ADAM18: variants seen among roughly 807,000 people sequenced by gnomAD.
ADAM18 encodes the protein disintegrin and metalloproteinase domain-containing protein 18.
ADAM18 carries 117 observed loss-of-function variants against 94.4 expected under a neutral mutation model. That is an observed-to-expected ratio of 1.24 (90% CI 1.07 to 1.45). The LOEUF is 1.45. Among genes scored for constraint, ADAM18 ranks in the 40% most tolerant of loss-of-function variants. The pLI is 0.00. For missense variants in ADAM18, 936 were observed against 880.0 expected (o/e 1.06, Z -0.81); for synonymous variants, 327 against 291.6 (o/e 1.12, Z -1.24).
At chr8:39,669,407 G>A (rs1485661346) in intron 14 of ADAM18, among the ~76,000 whole-genome samples, 4 of 150,270 alleles carry the variant, frequency 2.7e-5, no homozygotes, top group African/African-American at 7.4e-5. Flanking sequence ...TTGGTGTGCT[G>A]CACCCAGTAA....
At chr8:39,603,671 G>A (rs1011018729) in intron 2 of ADAM18, among the ~76,000 whole-genome samples, 2 of 152,138 alleles carry the variant, frequency 1.3e-5, no homozygotes, top group African/African-American at 4.8e-5. Context: ...TCTGAGGTAA[G>A]CCTATATTGT....
chr8:39,650,252 T>C (rs906317403), intron 12 of ADAM18, among the ~76,000 whole-genome samples: 3 of 152,172 alleles, frequency 2.0e-5, no homozygotes, highest in African/African-American at 7.2e-5. Context: ...ATTGTAGGCT[T>C]TTTGTAAAAT....
At chr8:39,626,252 G>A (rs61600392) in intron 6 of ADAM18, among the ~76,000 whole-genome samples, 36,659 of 151,866 alleles carry the variant, frequency 0.24, 4,689 homozygotes, top group East Asian at 0.48. Context: ...GTGATGTCAG[G>A]TGTAATATTT....
intron 12 of ADAM18, among the ~76,000 whole-genome samples, chr8:39,659,318 C>G (rs1820769276): frequency 1.3e-5 from 2 of 151,178 alleles, no homozygotes; most frequent in African/African-American, 2.4e-5. Context: ...CCTACGAAAT[C>G]TTAATTTTCA....
intron 17 of ADAM18, among the ~76,000 whole-genome samples, chr8:39,702,471 G>C (rs564871642): frequency 6.6e-6 from 1 of 152,048 alleles, no homozygotes; most frequent in Admixed American, 6.5e-5. Context: ...TTCTTTTGCT[G>C]TATGGAAGCT....
At position 39,610,635 on chromosome 8, in the gene ADAM18, T is replaced by A. The variant is rs756666331; in HGVS notation, c.451T>A (p.Ser151Thr). 1.2e-6 allele frequency: 2 copies of A among 1,612,984 alleles called. No individual in the cohort carries two copies. The highest frequency in any genetic ancestry group is 1.1e-5 in the South Asian group (1 of 90,980). Residue 151 changes from serine (S) to threonine (T), a missense_variant, in exon 6 of 20, where the codon TCC becomes ACC. Transcript: ENST00000265707. ...YQMKNNDPNV[S>T]ILAVNYSHIW... ...AATGAAAAATAATGATCCAAATGTA[T>A]CCATTTTAGCAGTAAATTACAGTCA...
intron 6 of ADAM18, among the ~76,000 whole-genome samples, chr8:39,620,017 G>A (rs1411040497): frequency 6.6e-6 from 1 of 152,006 alleles, no homozygotes; most frequent in Non-Finnish European, 1.5e-5. Context: ...CAGACACATA[G>A]ACCAATGAAA....
chr8:39,692,473 G>T, intron 16 of ADAM18, 127 bp from the exon 17 acceptor site: 1 of 439,706 alleles, frequency 2.3e-6, no homozygotes, highest in South Asian at 6.8e-5. Context: ...ATTAATATTA[G>T]TCATATTAAT....
Position 39,723,762 on chromosome 8 carries a change from GA to G in ADAM18, c.2037del (p.Gly680AlafsTer12), listed in dbSNP as rs1339971220. The G allele has an allele frequency of 6.6e-6, 10 of 1,519,480 alleles. No individual in the cohort carries two copies. The highest frequency in any genetic ancestry group is 2.2e-5 in the Admixed American group (1 of 45,140). The allele number at this position is 1,519,480 out of a possible 1,614,324, so 94.1% of individuals were successfully genotyped here. A position where few individuals can be genotyped will look rare whatever the true frequency, so the allele number is the denominator to read the frequency against. ...TTCATTTCTAGGTGACTTTTATACT[GA>G]AAAAGGCTACAATACACACTGGAAC... is the stretch of plus-strand genomic sequence containing the variant. ...NFQKSGDFYT[E>X]KGYNTHWNNW... On this transcript the variant is annotated frameshift_variant, in exon 19 of 20. Coordinates refer to ENST00000265707, the MANE Select transcript of ADAM18 (RefSeq NM_014237.3). LOFTEE classifies it high-confidence loss of function.
chr8:39,641,584 G>T (rs527876611), intron 10 of ADAM18, among the ~76,000 whole-genome samples: 1 of 152,020 alleles, frequency 6.6e-6, no homozygotes, highest in South Asian at 2.1e-4. Flanking sequence ...CATTCTAGGT[G>T]TCCATGTGTT....
At chr8:39,595,397 G>C (rs1051873291) in intron 2 of ADAM18, among the ~76,000 whole-genome samples, 2 of 152,304 alleles carry the variant, frequency 1.3e-5, no homozygotes, top group East Asian at 1.9e-4. Flanking sequence ...CCAGGTTGCT[G>C]TCTTCTCCAG....
intron 17 of ADAM18, among the ~76,000 whole-genome samples, chr8:39,702,275 G>T (rs1822102466): frequency 6.6e-6 from 1 of 151,674 alleles, no homozygotes; most frequent in Admixed American, 6.6e-5. Flanking sequence ...TATAACTGTT[G>T]GCTGCATGTA....
intron 18 of ADAM18, among the ~76,000 whole-genome samples, chr8:39,716,325 G>T (rs1425546715): frequency 6.6e-6 from 1 of 151,768 alleles, no homozygotes; most frequent in East Asian, 1.9e-4. Flanking sequence ...TTTTTAAAAT[G>T]CAAGTGTTAA....
intron 7 of ADAM18, among the ~76,000 whole-genome samples, chr8:39,631,844 C>T (rs1354597124): frequency 6.6e-6 from 1 of 151,866 alleles, no homozygotes; most frequent in African/African-American, 2.4e-5. Context: ...TTTGTTAATT[C>T]CTTTCGTCAG....
At chr8:39,718,803 G>A (rs1371814490) in intron 18 of ADAM18, among the ~76,000 whole-genome samples, 3 of 151,462 alleles carry the variant, frequency 2.0e-5, no homozygotes, top group African/African-American at 4.8e-5. Flanking sequence ...GTGAGATTGT[G>A]CACTGGAAAC....
intron 2 of ADAM18, among the ~76,000 whole-genome samples, chr8:39,601,033 G>A (rs1818887195): frequency 6.6e-6 from 1 of 152,202 alleles, no homozygotes; most frequent in African/African-American, 2.4e-5. Flanking sequence ...CATGGTGGAA[G>A]GGGAAGGGGA....
intron 6 of ADAM18, among the ~76,000 whole-genome samples, chr8:39,615,635 C>G (rs12681521): frequency 0.029 from 4,378 of 152,214 alleles, 99 homozygotes; most frequent in South Asian, 0.073. Flanking sequence ...GGAAGCATTC[C>G]TCTTAAGAAC....
intron 6 of ADAM18, among the ~76,000 whole-genome samples, chr8:39,627,577 C>T (rs1461087476): frequency 6.6e-6 from 1 of 152,110 alleles, no homozygotes; most frequent in Non-Finnish European, 1.5e-5. Context: ...GTCTTTTCCA[C>T]CCCTTTGCCT....
chr8:39,648,270 T>G, intron 11 of ADAM18, 74 bp from the exon 12 acceptor site: 1 of 1,195,200 alleles, frequency 8.4e-7, no homozygotes, highest in South Asian at 2.3e-5. Context: ...TTTACATGAT[T>G]ATGTATGGAG....
Sources: gnomAD v4.1 joint callset for allele counts (sites outside exome capture counted in the v4.1 genomes callset) on GRCh38, gnomAD v4.1.1 for gene constraint, MANE v1.5 for transcripts, NCBI Gene and HGNC (gene_info 2026-07-23, HGNC 2026-07-21) for gene names.